The following SLC35D1 variants were observed in gnomAD, a reference collection of about 807,000 sequenced individuals.
SLC35D1 encodes the protein solute carrier family 35 member D1.
In SLC35D1, 31 loss-of-function variants were observed where a neutral mutation model predicts 46.7. The ratio of observed to expected loss-of-function variants is 0.66; its 90% CI spans 0.50 to 0.90. The LOEUF is 0.90. Ranked by LOEUF, SLC35D1 falls within the 40% of genes least tolerant of loss-of-function variation. The pLI is 0.00. For missense variants in SLC35D1, 397 were observed against 426.2 expected (o/e 0.93, Z 0.60); for synonymous variants, 195 against 164.6 (o/e 1.18, Z -1.41).
chr1:67,001,580 C>T lies in SLC35D1; in HGVS notation c.*2760G>A, dbSNP rs1667341522. ...CTCAGTGGGCAAATTAAGGATTTAACTCTGTATTGCCTCTTTTTCTCCCAG... is the reference window on the plus strand; with the variant it reads ...CTCAGTGGGCAAATTAAGGATTTAATTCTGTATTGCCTCTTTTTCTCCCAG... On this transcript the variant is annotated 3_prime_UTR_variant, in exon 12 of 12. Coordinates refer to ENST00000235345, the MANE Select transcript of SLC35D1 (RefSeq NM_015139.3). The T allele has an allele frequency of 6.6e-6, 1 of 152,350 alleles. No homozygotes were observed. The highest frequency in any genetic ancestry group is 1.5e-5 in the Non-Finnish European group (1 of 68,040). 9.4% of individuals were successfully genotyped at this position (152,350 alleles called of 1,614,324 possible).
the SLC35D1 span, among the ~76,000 whole-genome samples, chr1:66,990,292 G>A: frequency 2.0e-5 from 3 of 151,934 alleles, no homozygotes; most frequent in African/African-American, 4.8e-5. Context: ...TCTTTTTTCC[G>A]GAGACAACGT....
chr1:66,981,306 G>A, the SLC35D1 span, among the ~76,000 whole-genome samples: 300 of 152,294 alleles, frequency 2.0e-3, no homozygotes, highest in African/African-American at 6.5e-3. Context: ...AGATCTGGCA[G>A]AAATATAATA....
In SLC35D1 at chr1:67,053,792, G is replaced by A. The variant is rs768523276; in HGVS notation, c.203+19C>T. ...CCGCTCCTCCTCCGCGGCCTGGGCC[G>A]CCGCCGCCTCGGCCCTACCTGTAAT... On this transcript the variant is annotated intron_variant, in intron 1 of 11. Coordinates refer to ENST00000235345, the MANE Select transcript of SLC35D1 (RefSeq NM_015139.3). The A allele has an allele frequency of 1.3e-6, 2 of 1,558,502 alleles. No homozygotes were observed. The highest frequency in any genetic ancestry group is 1.7e-6 in the Non-Finnish European group (2 of 1,154,866).
At chr1:67,046,980 C>A (rs1280984407) in intron 7 of SLC35D1, among the ~76,000 whole-genome samples, 1 of 152,144 alleles carries the variant, frequency 6.6e-6, no homozygotes, top group Non-Finnish European at 1.5e-5. Context: ...TAGAATACAG[C>A]CATGAACATT....
At chr1:67,035,764 T>C (rs1191990713) in intron 8 of SLC35D1, among the ~76,000 whole-genome samples, 1 of 151,490 alleles carries the variant, frequency 6.6e-6, no homozygotes, top group Non-Finnish European at 1.5e-5. Flanking sequence ...GCTTTTCTAG[T>C]TCTTTAAGAT....
chr1:67,005,408 C>G (rs1667426930), intron 11 of SLC35D1, among the ~76,000 whole-genome samples: 1 of 152,166 alleles, frequency 6.6e-6, no homozygotes, highest in South Asian at 2.1e-4. Flanking sequence ...CTTGTTCCCA[C>G]TAGGAAGAAA....
At chr1:66,975,103 G>A in the SLC35D1 span, among the ~76,000 whole-genome samples, 1 of 152,192 alleles carries the variant, frequency 6.6e-6, no homozygotes, top group African/African-American at 2.4e-5. Context: ...TGTTGGGTAA[G>A]GGAGGGTATC....
intron 10 of SLC35D1, among the ~76,000 whole-genome samples, chr1:67,015,177 A>C (rs1211683649): frequency 6.7e-6 from 1 of 150,122 alleles, no homozygotes; most frequent in East Asian, 1.9e-4. Context: ...AAAAAAAAAA[A>C]AAAAAGATTT....
the SLC35D1 span, among the ~76,000 whole-genome samples, chr1:66,993,199 T>C: frequency 1.3e-5 from 2 of 152,238 alleles, no homozygotes; most frequent in Non-Finnish European, 2.9e-5. Flanking sequence ...GGCAGGAATG[T>C]GAGCTTCATT....
At position 67,028,739 on chromosome 1, in the gene SLC35D1, T is replaced by C. The variant is rs558610968; in HGVS notation, c.730-7137A>G. On this transcript the variant is annotated intron_variant, in intron 8 of 11. Coordinates refer to ENST00000235345, the MANE Select transcript of SLC35D1 (RefSeq NM_015139.3). ...ATATTGCCCCACAGGTCACTAATAT[T>C]GTGTTCATTTGCTTTACAATCTTTT... 1.2e-4 allele frequency among the ~76,000 whole-genome samples: 18 copies of C among 152,314 alleles called. No homozygotes were observed. The South Asian group carries it at 3.5e-3, about 30-fold the overall frequency.
At chr1:66,982,160 T>G in the SLC35D1 span, among the ~76,000 whole-genome samples, 1 of 152,154 alleles carries the variant, frequency 6.6e-6, no homozygotes, top group Non-Finnish European at 1.5e-5. Context: ...TGTAAGAAAT[T>G]TGTTCTTTTT....
At chr1:66,990,064 C>T in the SLC35D1 span, among the ~76,000 whole-genome samples, 1 of 152,098 alleles carries the variant, frequency 6.6e-6, no homozygotes, top group African/African-American at 2.4e-5. Context: ...GAAAGGTACT[C>T]CCTTAATCCC....
rs1261234107 is a variant in SLC35D1, at chr1:67,020,559, T to C, written c.798-112A>G. On this transcript the variant is annotated intron_variant, in intron 9 of 11. Transcript: ENST00000235345. Reference sequence around the variant, plus strand: ...GCACATTCTAGTCACTGACCAGCTATGAATTTTCCCCACCTCACTGCTTCT... The same window carrying C: ...GCACATTCTAGTCACTGACCAGCTACGAATTTTCCCCACCTCACTGCTTCT... 9 of 779,054 alleles carry C rather than the reference T, an allele frequency of 1.2e-5. No homozygotes were observed. The East Asian group carries it at 2.1e-4, about 18-fold the overall frequency. The allele number at this position is 779,054 out of a possible 1,614,324, so 48.3% of individuals were successfully genotyped here.
At chr1:67,017,174 T>C (rs1332663691) in intron 10 of SLC35D1, among the ~76,000 whole-genome samples, 1 of 152,150 alleles carries the variant, frequency 6.6e-6, no homozygotes, top group Non-Finnish European at 1.5e-5. Context: ...TATTACACTT[T>C]ATACAAATAA....
intron 9 of SLC35D1, among the ~76,000 whole-genome samples, chr1:67,021,117 C>A (rs1271344093): frequency 6.6e-6 from 1 of 152,172 alleles, no homozygotes; most frequent in Non-Finnish European, 1.5e-5. Context: ...TCCTCTTAAC[C>A]TCTACATATT....
At chr1:67,044,036 T>C (rs912863942) in intron 7 of SLC35D1, among the ~76,000 whole-genome samples, 4 of 152,218 alleles carry the variant, frequency 2.6e-5, no homozygotes, top group East Asian at 1.9e-4. Context: ...TACCCAACAA[T>C]TGAAAACTAG....
chr1:67,040,434 C>T (rs1348751080), intron 8 of SLC35D1, among the ~76,000 whole-genome samples: 1 of 152,144 alleles, frequency 6.6e-6, no homozygotes, highest in African/African-American at 2.4e-5. Context: ...ACTTAAAAAT[C>T]TAGGTTCTAG....
At chr1:67,042,762 C>G (rs1405907431) in intron 7 of SLC35D1, among the ~76,000 whole-genome samples, 1 of 152,166 alleles carries the variant, frequency 6.6e-6, no homozygotes, top group African/African-American at 2.4e-5. Context: ...AGCACAGTGT[C>G]ATTTAAGAAA....
chr1:66,985,100 A>G, the SLC35D1 span: 4 of 1,248,644 alleles, frequency 3.2e-6, no homozygotes, highest in East Asian at 1.3e-4. Flanking sequence ...TTTTAAGGGT[A>G]TTTTAAAAAT....
Sources: gnomAD v4.1 joint callset for allele counts (sites outside exome capture counted in the v4.1 genomes callset) on GRCh38, gnomAD v4.1.1 for gene constraint, MANE v1.5 for transcripts, NCBI Gene and HGNC (gene_info 2026-07-23, HGNC 2026-07-21) for gene names.